Variants in DIO2 observed in about 807,000 individuals in gnomAD.
DIO2 encodes the protein type II iodothyronine deiodinase.
Under a neutral mutation model 21.4 loss-of-function variants are expected in DIO2, and 19 were observed. The observed-to-expected ratio is 0.89, with a 90% CI of 0.62 to 1.30. The LOEUF is 1.30. DIO2 is among the 50% of genes most tolerant of loss of function. DIO2 has a pLI of 0.00. For synonymous variants in DIO2, 122 were observed against 132.9 expected, an observed-to-expected ratio of 0.92 and a Z score of 0.57; for missense variants, 302 against 338.1, an observed-to-expected ratio of 0.89 and a Z score of 0.84.
intron 2 of DIO2, among the ~76,000 whole-genome samples, chr14:80,222,286 G>A (rs971851141): frequency 2.0e-5 from 3 of 152,014 alleles, no homozygotes. Context: ...AGACACCAAA[G>A]AGCTAAACAT....
upstream of DIO2, among the ~76,000 whole-genome samples, chr14:80,215,219 A>G (rs1888323703): frequency 6.6e-6 from 1 of 152,238 alleles, no homozygotes; most frequent in African/African-American, 2.4e-5. Context: ...AAAGAGAAGC[A>G]GCCTAGGGCA....
At chr14:80,203,393 T>C (rs921740930) in intron 1 of DIO2, 105 bp from the exon 2 acceptor site, 2 of 1,304,246 alleles carry the variant, frequency 1.5e-6, no homozygotes, top group African/African-American at 1.5e-5. Context: ...TTGGCTCTAA[T>C]AGAGTGTGGT....
chr14:80,224,756 G>T (rs1258723219), intron 2 of DIO2, among the ~76,000 whole-genome samples: 3 of 152,164 alleles, frequency 2.0e-5, no homozygotes, highest in African/African-American at 7.2e-5. Context: ...AAATGTTCCT[G>T]TTTTGTAAAA....
intron 2 of DIO2, among the ~76,000 whole-genome samples, chr14:80,228,857 C>T (rs1455263006): frequency 1.3e-5 from 2 of 152,082 alleles, no homozygotes; most frequent in Non-Finnish European, 2.9e-5. Flanking sequence ...TTTTGGGTCC[C>T]CTGGAATCAA....
chr14:80,222,867 T>A (rs979426566), intron 2 of DIO2, among the ~76,000 whole-genome samples: 2 of 151,730 alleles, frequency 1.3e-5, no homozygotes, highest in Admixed American at 6.6e-5. Context: ...TTTCTTTTTT[T>A]TTTTTTTTGA....
In DIO2 at chr14:80,200,858, A is replaced by C. The variant is rs560361906; in HGVS notation, c.*1831T>G. 10 of 152,302 alleles carry C rather than the reference A, an allele frequency of 6.6e-5. No individual in the cohort carries two copies. The highest frequency in any genetic ancestry group is 2.6e-4 in the Admixed American group (4 of 15,292). 9.4% of individuals were successfully genotyped at this position (152,302 alleles called of 1,614,324 possible). A position where few individuals can be genotyped will look rare whatever the true frequency, so the allele number is the denominator to read the frequency against. Reference sequence around the variant, plus strand: ...AAAATAAAATACGTTTGGTTCTTGCACACCTAGTTCTCACTCTTTTCTCAA... The same window carrying C: ...AAAATAAAATACGTTTGGTTCTTGCCCACCTAGTTCTCACTCTTTTCTCAA... On this transcript the variant is annotated 3_prime_UTR_variant, in exon 2 of 2. Coordinates refer to ENST00000438257, the MANE Select transcript of DIO2 (RefSeq NM_013989.5).
rs1193170744 is a variant in DIO2, at chr14:80,202,370, C to CA, written c.*318dup. 1.7e-6 allele frequency: 1 copy of CA among 589,056 alleles called. No individual in the cohort carries two copies. Among genetic ancestry groups the CA allele is most frequent in the Non-Finnish European group, 3.3e-6 (1 of 306,852 alleles). 36.5% of individuals were successfully genotyped at this position (589,056 alleles called of 1,614,324 possible). On this transcript the variant is annotated 3_prime_UTR_variant, in exon 2 of 2. Transcript: ENST00000438257. ...TCAGGTAAGTCTTTTCTTCTGGTCT[C>CA]AAAGCATGCATCAGATGTATCAGTT... is the stretch of plus-strand genomic sequence containing the variant.
At chr14:80,210,453 TGC>T (rs987453859) in intron 1 of DIO2, among the ~76,000 whole-genome samples, 2 of 152,240 alleles carry the variant, frequency 1.3e-5, no homozygotes, top group South Asian at 4.1e-4. Flanking sequence ...ACTGCTCTAA[TGC>T]TCATAACAGC....
At chr14:80,228,474 T>G (rs1209245875) in intron 2 of DIO2, among the ~76,000 whole-genome samples, 1 of 152,088 alleles carries the variant, frequency 6.6e-6, no homozygotes, top group Non-Finnish European at 1.5e-5. Flanking sequence ...AATGGGAGAG[T>G]TGAATGGGGA....
At position 80,200,425 on chromosome 14, in the gene DIO2, C is replaced by T. The variant is rs1184428751; in HGVS notation, c.*2264G>A. ...TAGCACTGCCTCAGCCTAATCTCAT[C>T]CCCCCACCGGCTTATCTGACATACT... On this transcript the variant is annotated 3_prime_UTR_variant, in exon 2 of 2. Transcript: ENST00000438257. 1 of 152,542 alleles carries T rather than the reference C, an allele frequency of 6.6e-6. No homozygotes were observed. Among genetic ancestry groups the T allele is most frequent in the African/African-American group, 2.4e-5 (1 of 41,422 alleles). The allele number at this position is 152,542 out of a possible 1,614,324, so 9.4% of individuals were successfully genotyped here.
chr14:80,211,652 C>T, upstream of DIO2: 1 of 574,304 alleles, frequency 1.7e-6, no homozygotes, highest in Middle Eastern at 4.6e-4. Context: ...TTCAAAGAAG[C>T]AGAAATGGCA....
intron 1 of DIO2, among the ~76,000 whole-genome samples, chr14:80,210,082 C>T (rs1594876884): frequency 6.6e-6 from 1 of 152,214 alleles, no homozygotes; most frequent in Non-Finnish European, 1.5e-5. Flanking sequence ...CTCTAAAATA[C>T]AGATGTACAG....
Position 80,199,285 on chromosome 14 carries a change from C to A in DIO2, c.*3404G>T, listed in dbSNP as rs1887616493. ...AATGAAAGACAATAGGCTATTCTTC[C>A]CACTGTGATGAGAGAATAAGCACTT... On this transcript the variant is annotated 3_prime_UTR_variant, in exon 2 of 2. Coordinates refer to ENST00000438257, the MANE Select transcript of DIO2 (RefSeq NM_013989.5). The A allele has an allele frequency of 2.0e-5, 3 of 152,162 alleles. No homozygotes were observed. In the South Asian group the frequency reaches 6.2e-4, roughly 32 times the overall value. The allele number at this position is 152,162 out of a possible 1,614,324, so 9.4% of individuals were successfully genotyped here. A position where few individuals can be genotyped will look rare whatever the true frequency, so the allele number is the denominator to read the frequency against.
intron 1 of DIO2, chr14:80,205,481 G>A (rs541553448): frequency 5.0e-6 from 3 of 600,542 alleles, no homozygotes; most frequent in Non-Finnish European, 4.7e-6. Context: ...ATGTGGCCTT[G>A]ACAAATGCGC....
At chr14:80,230,992 T>C (rs768788423) in intron 2 of DIO2, 1 of 152,216 alleles carries the variant, frequency 6.6e-6, no homozygotes, top group African/African-American at 2.4e-5. Flanking sequence ...TGGAGTCCGA[T>C]GTTTGAGGGC....
upstream of DIO2, among the ~76,000 whole-genome samples, chr14:80,213,784 G>A (rs1888284619): frequency 6.6e-6 from 1 of 152,138 alleles, no homozygotes; most frequent in Non-Finnish European, 1.5e-5. Flanking sequence ...TGGTGGCCTT[G>A]TGCAATGCCC....
intron 1 of DIO2, chr14:80,206,393 A>G: frequency 1.0e-6 from 1 of 962,616 alleles, no homozygotes; most frequent in Non-Finnish European, 1.6e-6. Flanking sequence ...TTAACCTAAA[A>G]GAAAATATTC....
chr14:80,216,251 G>T (rs1392981683), upstream of DIO2: 1 of 152,240 alleles, frequency 6.6e-6, no homozygotes, highest in African/African-American at 2.4e-5. Context: ...GAGATAGGCA[G>T]GGAAAGAAAA....
At position 80,211,318 on chromosome 14, in the gene DIO2, C is replaced by T. The variant is rs941410719; in HGVS notation, c.155G>A (p.Arg52Gln). 5.6e-6 allele frequency: 9 copies of T among 1,613,494 alleles called. No homozygotes were observed. Among genetic ancestry groups the T allele is most frequent in the South Asian group, 1.1e-5 (1 of 91,066 alleles). ...CAGTCCCTCTGAGGTCAGCATGCGC[C>T]GCCACTCTCCGCGAGTGGACTTGGA... ...SRSKSTRGEW[R>Q]RMLTSEGLRC... Residue 52 changes from arginine to glutamine, a missense_variant, in exon 1 of 2, where the codon CGG (arginine) becomes CAG (glutamine). Arg to Gln is a conservative substitution (Grantham distance 43). Coordinates refer to ENST00000438257, the MANE Select transcript of DIO2 (RefSeq NM_013989.5).
Sources: gnomAD v4.1 joint callset for allele counts (sites outside exome capture counted in the v4.1 genomes callset) on GRCh38, gnomAD v4.1.1 for gene constraint, MANE v1.5 for transcripts, NCBI Gene and HGNC (gene_info 2026-07-23, HGNC 2026-07-21) for gene names.